PZP: variants seen among roughly 807,000 people sequenced by gnomAD.
The protein encoded by PZP is PZP alpha-2-macroglobulin like.
A neutral mutation model predicts 179.8 loss-of-function variants in PZP; 150 were observed. The ratio of observed to expected loss-of-function variants is 0.83; its 90% confidence interval spans 0.73 to 0.96. The LOEUF (loss-of-function observed/expected upper bound fraction) is 0.96, where lower values mean the gene tolerates loss of function less well. Among genes scored for constraint, PZP ranks in the 40% least tolerant of loss-of-function variants. The probability of loss-of-function intolerance (pLI) is 0.00; values close to 1 mark genes in which losing one functional copy is unlikely to be tolerated. For synonymous variants in PZP, 624 were observed against 652.3 expected (o/e 0.96, Z 0.66); for missense variants, 1,689 against 1,764.0 (o/e 0.96, Z 0.76).
At chr12:9,177,715 T>C (rs1043995068) in intron 15 of PZP, among the ~76,000 whole-genome samples, 18 of 152,244 alleles carry the variant, frequency 1.2e-4, no homozygotes, top group African/African-American at 4.3e-4. Context: ...TTTCTATAAC[T>C]TTATCATCTG....
chr12:9,202,462 G>A (rs184919866), intron 3 of PZP, 63 bp downstream of exon 3: 9 of 1,612,182 alleles, frequency 5.6e-6, no homozygotes, highest in Non-Finnish European at 1.7e-6. Flanking sequence ...GGATAATGGA[G>A]ACTTTGGCTG....
chr12:9,168,773 A>G, intron 17 of PZP, 96 bp downstream of exon 17: 1 of 898,390 alleles, frequency 1.1e-6, no homozygotes, highest in Non-Finnish European at 1.8e-6. Context: ...TTGTGTGTAT[A>G]AAGTGGAAAT....
At chr12:9,158,331 G>C in intron 26 of PZP, 89 bp downstream of exon 26, 1 of 1,514,562 alleles carries the variant, frequency 6.6e-7, no homozygotes, top group Non-Finnish European at 9.0e-7. Flanking sequence ...CTTCATCTTT[G>C]CAATTTCCTT....
intron 24 of PZP, 88 bp from the exon 25 acceptor site, chr12:9,160,113 G>A: frequency 7.9e-7 from 1 of 1,273,602 alleles, no homozygotes. Context: ...AGGCGCCATG[G>A]ACATTTTATG....
chr12:9,172,128 A>T (rs1264763507), intron 15 of PZP, among the ~76,000 whole-genome samples: 1 of 152,218 alleles, frequency 6.6e-6, no homozygotes, highest in African/African-American at 2.4e-5. Flanking sequence ...AACATATCAT[A>T]CTAACAGTGG....
intron 15 of PZP, among the ~76,000 whole-genome samples, 160 bp downstream of exon 15, chr12:9,180,823 T>G (rs1455950399): frequency 6.6e-6 from 1 of 152,168 alleles, no homozygotes; most frequent in East Asian, 1.9e-4. Flanking sequence ...ACTAAAGAGC[T>G]TCTGCACAGC....
intron 32 of PZP, 24 bp downstream of exon 32, chr12:9,152,196 C>A (rs564431082): frequency 1.4e-6 from 2 of 1,480,274 alleles, no homozygotes; most frequent in Non-Finnish European, 9.4e-7. Flanking sequence ...TGTATGAAGT[C>A]TATTAGGATT....
intron 17 of PZP, 192 bp downstream of exon 17, chr12:9,168,677 T>C (rs750977220): frequency 2.7e-4 from 135 of 507,646 alleles, no homozygotes; most frequent in Admixed American, 1.8e-4. Flanking sequence ...GTATCGGATG[T>C]ATCTAAAAAA....
At position 9,166,060 on chromosome 12, in the gene PZP, C is replaced by T; in HGVS notation, c.2250G>A (p.Val750=). The T allele has an allele frequency of 1.9e-6, 3 of 1,606,078 alleles. No individual in the cohort carries two copies. The highest frequency in any genetic ancestry group is 2.5e-6 in the Non-Finnish European group (3 of 1,177,894). The change falls in exon 18 of 36, where the codon GTG becomes GTA. Residue 750 remains valine (V), a synonymous_variant. Coordinates refer to ENST00000261336, the MANE Select transcript of PZP (RefSeq NM_002864.3). Reference sequence around the variant, plus strand: ...AAAGTAAAGTTACTTACTTCACTGCCACCAACTCCCAGATCCAAGTCTCAG... The same window carrying T: ...AAAGTAAAGTTACTTACTTCACTGCTACCAACTCCCAGATCCAAGTCTCAG... The part of the protein sequence containing the change: ...YFPETWIWEL[V]AVNSSGVAEV...
At chr12:9,138,822 T>C in the PZP span, among the ~76,000 whole-genome samples, 9 of 152,114 alleles carry the variant, frequency 5.9e-5, no homozygotes, top group Non-Finnish European at 1.2e-4. Context: ...AGAGCAGTTA[T>C]AATGTATCTT....
downstream of PZP, chr12:9,148,760 A>G: frequency 4.0e-6 from 2 of 500,538 alleles, no homozygotes; most frequent in South Asian, 3.2e-5. Flanking sequence ...CAACCTTTGC[A>G]CCAAAATTAA....
At chr12:9,201,372 A>T (rs765593446) in intron 4 of PZP, 25 bp from the exon 5 acceptor site, 1 of 1,545,620 alleles carries the variant, frequency 6.5e-7, no homozygotes, top group Admixed American at 1.8e-5. Context: ...GAAAGAAGAG[A>T]TGTGATTAGA....
At position 9,196,248 on chromosome 12, in the gene PZP, C is replaced by T. The variant is rs181055874; in HGVS notation, c.1092+82G>A. The T allele has an allele frequency of 1.2e-4, 105 of 911,150 alleles. 2 individuals are homozygous for T. The Admixed American group carries it at 2.2e-3, about 19-fold the overall frequency. 56.4% of individuals were successfully genotyped at this position (911,150 alleles called of 1,614,324 possible). On this transcript the variant is annotated intron_variant, in intron 10 of 35. Coordinates refer to ENST00000261336, the MANE Select transcript of PZP (RefSeq NM_002864.3). Reference sequence around the variant, plus strand: ...CATATTAATTAACTGATAACACTAACCAAGTGTGGGCTGCATCATTGTGTC... The same window carrying T: ...CATATTAATTAACTGATAACACTAATCAAGTGTGGGCTGCATCATTGTGTC...
chr12:9,152,936 T>C lies in PZP; in HGVS notation c.4009A>G (p.Asn1337Asp), dbSNP rs745513813. The part of the protein sequence containing the change: ...CVYLQTSMKY[N>D]ILPEKEDSPF... ...GAGTCCTCTTTCTCTGGAAGAATAT[T>C]GTATTTCATGGATGTCTGTGAAACA... The change falls in exon 31 of 36, where the codon AAT becomes GAT. Residue 1337 changes from asparagine (N) to aspartate (D), a missense_variant. Asn to Asp is a conservative substitution (Grantham distance 23). Coordinates refer to ENST00000261336, the MANE Select transcript of PZP (RefSeq NM_002864.3). 1.2e-6 allele frequency: 2 copies of C among 1,614,194 alleles called. No homozygotes were observed. Among genetic ancestry groups the C allele is most frequent in the South Asian group, 2.2e-5 (2 of 91,084 alleles).
intron 13 of PZP, among the ~76,000 whole-genome samples, chr12:9,190,006 G>A (rs1262023041): frequency 6.6e-6 from 1 of 152,076 alleles, no homozygotes; most frequent in Non-Finnish European, 1.5e-5. Context: ...ATGTTGGCAA[G>A]GTTGTGGAGA....
chr12:9,144,304 C>A (rs982179143), downstream of PZP, among the ~76,000 whole-genome samples: 1 of 152,156 alleles, frequency 6.6e-6, no homozygotes, highest in Non-Finnish European at 1.5e-5. Flanking sequence ...ACTCTGAGAG[C>A]CCACTGGAGA....
At chr12:9,199,709 G>A (rs1381614315) in intron 7 of PZP, among the ~76,000 whole-genome samples, 1 of 152,036 alleles carries the variant, frequency 6.6e-6, no homozygotes, top group African/African-American at 2.4e-5. Context: ...GATTCCTATG[G>A]CTTGCTTTAA....
chr12:9,144,165 A>AAGAG (rs375691030), downstream of PZP, among the ~76,000 whole-genome samples: 76 of 149,554 alleles, frequency 5.1e-4, 2 homozygotes, highest in African/African-American at 1.6e-3. Flanking sequence ...CCACATGAGG[A>AAGAG]AGAGAGAGAG....
At chr12:9,151,537 C>A in intron 33 of PZP, 67 bp downstream of exon 33, 1 of 1,314,870 alleles carries the variant, frequency 7.6e-7, no homozygotes, top group South Asian at 1.3e-5. Flanking sequence ...ACCGACTATT[C>A]TAGTAAAGAG....
Sources: allele counts gnomAD v4.1 joint callset (sites outside exome capture counted in the v4.1 genomes callset), GRCh38; gene constraint gnomAD v4.1.1; transcripts MANE v1.5; gene names NCBI Gene and HGNC (gene_info 2026-07-23, HGNC 2026-07-21).